Variants in SLC24A2 observed in about 807,000 individuals in gnomAD.
SLC24A2 encodes the protein solute carrier family 24 member 2, also known as sodium/potassium/calcium exchanger 2.
Under a neutral mutation model 62.0 loss-of-function variants are expected in SLC24A2, and 36 were observed. The observed-to-expected ratio is 0.58, with a 90% CI of 0.44 to 0.77. The LOEUF (loss-of-function observed/expected upper bound fraction) is 0.77. SLC24A2 is among the 30% of genes least tolerant of loss of function. The pLI is 0.00. For synonymous variants in SLC24A2, 358 were observed against 294.0 expected (o/e 1.22, Z -2.23); for missense variants, 846 against 817.9 (o/e 1.03, Z -0.42).
Position 19,736,182 on chromosome 9 carries a change from G to A in SLC24A2, c.930+49755C>T, listed in dbSNP as rs560910911. ...ATATGTTCTCTACAATTTTAATAAC[G>A]GAATAATAAAATAGGGATGGGAAAC... On this transcript the variant is annotated intron_variant, in intron 2 of 10. Transcript: ENST00000341998. 1.3e-4 allele frequency among the ~76,000 whole-genome samples: 19 copies of A among 151,534 alleles called. 1 individual carries two copies. The highest frequency in any genetic ancestry group is 6.3e-4 in the South Asian group (3 of 4,792).
the SLC24A2 span, among the ~76,000 whole-genome samples, chr9:20,124,839 C>G: frequency 2.0e-5 from 3 of 152,104 alleles, no homozygotes; most frequent in Non-Finnish European, 2.9e-5. Context: ...GAAGAGAAAA[C>G]AGAGGGTAAG....
At chr9:19,960,375 C>T in the SLC24A2 span, among the ~76,000 whole-genome samples, 1 of 152,058 alleles carries the variant, frequency 6.6e-6, no homozygotes, top group Non-Finnish European at 1.5e-5. Flanking sequence ...CTGTTTGGGA[C>T]CCACTTATAA....
intron 4 of SLC24A2, among the ~76,000 whole-genome samples, chr9:19,607,662 T>C (rs1837028211): frequency 7.1e-6 from 1 of 141,206 alleles, no homozygotes; most frequent in Admixed American, 7.9e-5. Context: ...GAGGTGGCAG[T>C]GAGCCAAGAT....
chr9:19,560,202 C>A (rs572357443), intron 7 of SLC24A2, among the ~76,000 whole-genome samples: 1 of 152,054 alleles, frequency 6.6e-6, no homozygotes, highest in Non-Finnish European at 1.5e-5. Context: ...ACCGTTAGAC[C>A]ATATGATAGA....
chr9:20,034,013 T>C, the SLC24A2 span, among the ~76,000 whole-genome samples: 1 of 152,196 alleles, frequency 6.6e-6, no homozygotes, highest in Non-Finnish European at 1.5e-5. Flanking sequence ...ACATTAGCAC[T>C]GTAGATATTT....
chr9:19,679,999 G>A (rs1819674286), intron 2 of SLC24A2, among the ~76,000 whole-genome samples: 1 of 152,038 alleles, frequency 6.6e-6, no homozygotes, highest in African/African-American at 2.4e-5. Context: ...CATTGCAAAT[G>A]CATCTAACAT....
At chr9:19,747,360 T>C (rs1258696061) in intron 2 of SLC24A2, among the ~76,000 whole-genome samples, 2 of 152,170 alleles carry the variant, frequency 1.3e-5, no homozygotes, top group Non-Finnish European at 2.9e-5. Context: ...ATTTCTATAA[T>C]AGGTTTCATA....
At chr9:19,575,010 G>C (rs1312366271) in intron 6 of SLC24A2, among the ~76,000 whole-genome samples, 2 of 152,046 alleles carry the variant, frequency 1.3e-5, no homozygotes, top group Non-Finnish European at 2.9e-5. Flanking sequence ...TTCCATCACT[G>C]GTGCTTAAGA....
chr9:19,879,722 C>A, the SLC24A2 span, among the ~76,000 whole-genome samples: 35 of 152,074 alleles, frequency 2.3e-4, no homozygotes, highest in African/African-American at 7.2e-4. Context: ...CCCTCCTCCC[C>A]CTAAGAAGTA....
the SLC24A2 span, among the ~76,000 whole-genome samples, chr9:20,144,708 T>G: frequency 1.3e-5 from 2 of 152,096 alleles, no homozygotes; most frequent in Admixed American, 6.5e-5. Context: ...GGGTTGTCAA[T>G]CGGGGTCATT....
chr9:20,060,721 GA>G, the SLC24A2 span, among the ~76,000 whole-genome samples: 7 of 151,998 alleles, frequency 4.6e-5, no homozygotes, highest in East Asian at 7.7e-4. Flanking sequence ...GTGCGCCTAA[GA>G]AATTAAATAC....
intron 7 of SLC24A2, among the ~76,000 whole-genome samples, chr9:19,568,066 A>C (rs1413555409): frequency 6.6e-6 from 1 of 152,194 alleles, no homozygotes; most frequent in African/African-American, 2.4e-5. Context: ...GGGGCTCATA[A>C]TTTCCGCTAA....
At chr9:20,254,124 G>C in the SLC24A2 span, among the ~76,000 whole-genome samples, 1 of 152,178 alleles carries the variant, frequency 6.6e-6, no homozygotes, top group African/African-American at 2.4e-5. Context: ...ATATGGCAGA[G>C]ATATTAGCTT....
At position 19,513,184 on chromosome 9, in the gene SLC24A2, A is replaced by ATATATATG. The variant is rs1308919768; in HGVS notation, c.*2961_*2968dup. Reference sequence around the variant, plus strand: ...TATATATATATATATATGTATATATATATATATGTATATATTTATATATGT... The same window carrying ATATATATG: ...TATATATATATATATATGTATATATATATATATGTATATATGTATATATTTATATATGT... On this transcript the variant is annotated 3_prime_UTR_variant, in exon 11 of 11. Transcript: ENST00000341998. The ATATATATG allele has an allele frequency of 8.7e-4, 81 of 93,412 alleles. No individual in the cohort carries two copies. The highest frequency in any genetic ancestry group is 3.1e-3 in the African/African-American group (77 of 24,620). 5.8% of individuals were successfully genotyped at this position (93,412 alleles called of 1,614,324 possible).
intron 2 of SLC24A2, among the ~76,000 whole-genome samples, chr9:19,761,990 T>C: frequency 6.6e-6 from 1 of 152,184 alleles, no homozygotes; most frequent in South Asian, 2.1e-4. Flanking sequence ...CCTTTGGGTA[T>C]ATACCCAGTA....
chr9:20,011,166 A>G, the SLC24A2 span, among the ~76,000 whole-genome samples: 1 of 152,128 alleles, frequency 6.6e-6, no homozygotes, highest in African/African-American at 2.4e-5. Context: ...CTAGTTCTAG[A>G]TCCTTGAGAA....
chr9:20,109,282 T>G, the SLC24A2 span, among the ~76,000 whole-genome samples: 1 of 152,184 alleles, frequency 6.6e-6, no homozygotes, highest in African/African-American at 2.4e-5. Context: ...TGAACGAGAT[T>G]ATGCAGAAAA....
upstream of SLC24A2, among the ~76,000 whole-genome samples, chr9:19,790,101 TC>T (rs552605495): frequency 1.7e-4 from 26 of 151,932 alleles, 1 homozygote; most frequent in Non-Finnish European, 3.2e-4. Context: ...ACTCAACTTT[TC>T]TTTTTCTTTC....
At chr9:19,916,499 C>CT in the SLC24A2 span, among the ~76,000 whole-genome samples, 1 of 152,004 alleles carries the variant, frequency 6.6e-6, no homozygotes, top group Non-Finnish European at 1.5e-5. Context: ...ATATTGTCAA[C>CT]TCACTGTCAA....
Sources: allele counts gnomAD v4.1 joint callset (sites outside exome capture counted in the v4.1 genomes callset), GRCh38; gene constraint gnomAD v4.1.1; transcripts MANE v1.5; gene names NCBI Gene and HGNC (gene_info 2026-07-23, HGNC 2026-07-21).